The following FAM168A variants were observed in gnomAD, a reference collection of about 807,000 sequenced individuals.
The protein encoded by FAM168A is family with sequence similarity 168 member A.
FAM168A carries 3 observed loss-of-function variants against 28.5 expected under a neutral mutation model. The observed-to-expected ratio is 0.11, with a 90% CI of 0.05 to 0.27. The LOEUF is 0.27. FAM168A is among the 10% of genes least tolerant of loss of function. FAM168A has a pLI of 1.00. For synonymous variants in FAM168A, 122 were observed against 124.2 expected (o/e 0.98, Z 0.12); for missense variants, 222 against 311.5 (o/e 0.71, Z 2.16).
At chr11:73,409,042 G>A (rs978263629) in intron 6 of FAM168A, among the ~76,000 whole-genome samples, 3 of 152,060 alleles carry the variant, frequency 2.0e-5, no homozygotes, top group South Asian at 2.1e-4. Context: ...GCCAGAGAAT[G>A]TTTAAACCTA....
intron 3 of FAM168A, among the ~76,000 whole-genome samples, chr11:73,427,887 A>G (rs113004741): frequency 0.011 from 1,698 of 152,166 alleles, 35 homozygotes; most frequent in African/African-American, 0.039. Context: ...GGGCCCCCCA[A>G]TGTGACCCTG....
At chr11:73,479,331 T>C (rs1465711065) in intron 1 of FAM168A, among the ~76,000 whole-genome samples, 1 of 152,224 alleles carries the variant, frequency 6.6e-6, no homozygotes, top group Non-Finnish European at 1.5e-5. Flanking sequence ...ATTACTGTTA[T>C]ATGTAGCTGA....
chr11:73,535,558 T>G (rs1380703498), intron 1 of FAM168A, among the ~76,000 whole-genome samples: 3 of 151,856 alleles, frequency 2.0e-5, no homozygotes, highest in Non-Finnish European at 4.4e-5. Context: ...TAGCTGGGAC[T>G]ACAGGTGCCC....
chr11:73,552,735 T>C (rs1182851974), intron 1 of FAM168A, among the ~76,000 whole-genome samples: 1 of 152,162 alleles, frequency 6.6e-6, no homozygotes, highest in Non-Finnish European at 1.5e-5. Flanking sequence ...GATGGGTGGA[T>C]CCCTTGAGGT....
At chr11:73,442,788 C>T (rs953162111) in intron 2 of FAM168A, among the ~76,000 whole-genome samples, 3 of 149,088 alleles carry the variant, frequency 2.0e-5, no homozygotes, top group Admixed American at 6.7e-5. Context: ...GTTGGGTATA[C>T]GTGGTGTACA....
At chr11:73,580,488 G>T (rs1944230133) in intron 1 of FAM168A, 1 of 619,280 alleles carries the variant, frequency 1.6e-6, no homozygotes, top group Non-Finnish European at 3.1e-6. Context: ...ACAGACCAGG[G>T]ACAGAAAGCT....
At chr11:73,582,394 A>C (rs1436905710) in intron 1 of FAM168A, among the ~76,000 whole-genome samples, 1 of 151,934 alleles carries the variant, frequency 6.6e-6, no homozygotes, top group Admixed American at 6.6e-5. Flanking sequence ...GTGGAGGCAC[A>C]CACCTGTAGT....
At chr11:73,589,788 G>T (rs921944697) in intron 1 of FAM168A, among the ~76,000 whole-genome samples, 1 of 152,076 alleles carries the variant, frequency 6.6e-6, no homozygotes, top group African/African-American at 2.4e-5. Context: ...TTAGCTGGGC[G>T]TGGTGGCGCA....
chr11:73,417,600 C>T (rs1387289055), intron 4 of FAM168A, among the ~76,000 whole-genome samples: 2 of 148,144 alleles, frequency 1.4e-5, no homozygotes, highest in African/African-American at 5.0e-5. Flanking sequence ...CACTCTGTTG[C>T]CCAGGCTGTA....
intron 1 of FAM168A, among the ~76,000 whole-genome samples, chr11:73,502,364 C>T (rs1231639691): frequency 1.3e-5 from 2 of 152,150 alleles, no homozygotes; most frequent in African/African-American, 4.8e-5. Flanking sequence ...GTACTATAAA[C>T]ACCTCTACAC....
chr11:73,529,622 AAAAATGACATTC>A (rs941472752), intron 1 of FAM168A, among the ~76,000 whole-genome samples: 2 of 152,174 alleles, frequency 1.3e-5, no homozygotes, highest in African/African-American at 4.8e-5. Flanking sequence ...CAGGCACAAG[AAAAATGACATTC>A]AATAAAGCTT....
At chr11:73,531,794 A>G (rs1943516540) in intron 1 of FAM168A, among the ~76,000 whole-genome samples, 1 of 148,386 alleles carries the variant, frequency 6.7e-6, no homozygotes, top group Admixed American at 6.8e-5. Flanking sequence ...AGCACAGACC[A>G]AGTATCACTT....
intron 1 of FAM168A, among the ~76,000 whole-genome samples, chr11:73,497,440 T>A (rs1854914369): frequency 6.6e-6 from 1 of 150,980 alleles, no homozygotes; most frequent in South Asian, 2.1e-4. Flanking sequence ...AGAGAGTGAC[T>A]CCATACCCCC....
intron 1 of FAM168A, among the ~76,000 whole-genome samples, chr11:73,500,326 C>A (rs1202105936): frequency 6.7e-6 from 1 of 150,192 alleles, no homozygotes; most frequent in Non-Finnish European, 1.5e-5. Context: ...TGGCATGATC[C>A]CAGCTCACTG....
At chr11:73,473,530 T>C (rs116971697) in intron 1 of FAM168A, among the ~76,000 whole-genome samples, 3,273 of 152,214 alleles carry the variant, frequency 0.022, 39 homozygotes, top group African/African-American at 0.031. Flanking sequence ...TGTGCCTACC[T>C]CTCTGGTTGC....
At chr11:73,473,379 G>T (rs1245229221) in intron 1 of FAM168A, among the ~76,000 whole-genome samples, 1 of 152,038 alleles carries the variant, frequency 6.6e-6, no homozygotes, top group Non-Finnish European at 1.5e-5. Context: ...TCAAACCCTT[G>T]TTCAACTCAA....
At chr11:73,467,933 G>C (rs925638479) in intron 2 of FAM168A, among the ~76,000 whole-genome samples, 9 of 152,162 alleles carry the variant, frequency 5.9e-5, no homozygotes, top group Non-Finnish European at 1.0e-4. Context: ...ACAAACATGG[G>C]AAATAGAAAG....
Position 73,402,274 on chromosome 11 carries a change from G to A in FAM168A, c.*4489C>T, listed in dbSNP as rs1453149441. 2 of 152,322 alleles carry A rather than the reference G, an allele frequency of 1.3e-5. No homozygotes were observed. The highest frequency in any genetic ancestry group is 3.9e-4 in the East Asian group (2 of 5,184). The allele number at this position is 152,322 out of a possible 1,614,324, so 9.4% of individuals were successfully genotyped here. ...GACAAAGTTCACAGGGCCCAGAATG[G>A]GGCCCACCCCCTCTGGGCACAGAAC... On this transcript the variant is annotated 3_prime_UTR_variant, in exon 8 of 8. Transcript: ENST00000356467.
chr11:73,552,125 T>C (rs1943836872), intron 1 of FAM168A, among the ~76,000 whole-genome samples: 1 of 152,202 alleles, frequency 6.6e-6, no homozygotes, highest in Non-Finnish European at 1.5e-5. Flanking sequence ...CCTTATGCCT[T>C]GTATAAACAA....
Sources: gnomAD v4.1 joint callset for allele counts (sites outside exome capture counted in the v4.1 genomes callset) on GRCh38, gnomAD v4.1.1 for gene constraint, MANE v1.5 for transcripts, NCBI Gene and HGNC (gene_info 2026-07-23, HGNC 2026-07-21) for gene names.